The following DNAAF9 variants were observed in gnomAD, a reference collection of about 807,000 sequenced individuals.
DNAAF9 encodes the protein shulin.
Under a neutral mutation model 167.0 loss-of-function variants are expected in DNAAF9, and 90 were observed. The observed-to-expected ratio is 0.54, with a 90% CI of 0.45 to 0.64. DNAAF9 has a LOEUF of 0.64. Among genes scored for constraint, DNAAF9 ranks in the 30% least tolerant of loss-of-function variants. The pLI is 0.00. For synonymous variants in DNAAF9, 491 were observed against 508.8 expected (o/e 0.96, Z 0.47); for missense variants, 1,315 against 1,442.2 (o/e 0.91, Z 1.43).
chr20:3,404,161 C>G (rs2084025016), intron 1 of DNAAF9, among the ~76,000 whole-genome samples: 1 of 152,216 alleles, frequency 6.6e-6, no homozygotes, highest in Non-Finnish European at 1.5e-5. Flanking sequence ...TCCCGAGTAG[C>G]TGGGACTACA....
chr20:3,334,185 T>C (rs2069893707), intron 10 of DNAAF9, among the ~76,000 whole-genome samples: 2 of 152,226 alleles, frequency 1.3e-5, no homozygotes, highest in Non-Finnish European at 2.9e-5. Flanking sequence ...ACCAAGGGAA[T>C]GCTCAAATGT....
At chr20:3,328,348 GT>G (rs1291468944) in intron 12 of DNAAF9, among the ~76,000 whole-genome samples, 1 of 152,024 alleles carries the variant, frequency 6.6e-6, no homozygotes, top group Non-Finnish European at 1.5e-5. Flanking sequence ...TGCCTGGCTA[GT>G]TTTTGTATTT....
intron 6 of DNAAF9, among the ~76,000 whole-genome samples, chr20:3,369,843 G>A (rs994644887): frequency 1.3e-5 from 2 of 151,820 alleles, no homozygotes; most frequent in East Asian, 3.8e-4. Flanking sequence ...CATACATTCA[G>A]TTATTACAAC....
intron 6 of DNAAF9, among the ~76,000 whole-genome samples, chr20:3,362,535 C>G: frequency 6.6e-6 from 1 of 151,972 alleles, no homozygotes; most frequent in East Asian, 1.9e-4. Context: ...CAGCCCCATC[C>G]AATTTGCCTA....
intron 29 of DNAAF9, among the ~76,000 whole-genome samples, chr20:3,274,287 C>T (rs981429905): frequency 2.6e-5 from 4 of 151,926 alleles, no homozygotes; most frequent in East Asian, 3.9e-4. Context: ...GAATTACAGG[C>T]GCACACCACT....
chr20:3,349,424 T>A (rs1429294578), intron 7 of DNAAF9, among the ~76,000 whole-genome samples: 1 of 152,042 alleles, frequency 6.6e-6, no homozygotes, highest in Non-Finnish European at 1.5e-5. Context: ...AGCACCTTAT[T>A]TTAGCAACCC....
rs74180386 is a variant in DNAAF9 at position 3,311,972 on chromosome 20, C to T, written c.1678+3061G>A. ...AAAAAACTTCAAGGTAAAGGAAGCACTATTCTCTTTTTTCTTTTTTTTCTT... is the reference window on the plus strand; with the variant it reads ...AAAAAACTTCAAGGTAAAGGAAGCATTATTCTCTTTTTTCTTTTTTTTCTT... On this transcript the variant is annotated intron_variant, in intron 20 of 36. Transcript: ENST00000252032. Among the ~76,000 whole-genome samples, 1,117 of 136,024 alleles carry T rather than the reference C, an allele frequency of 8.2e-3. 5 individuals are homozygous for T. The highest frequency in any genetic ancestry group is 0.01 in the Non-Finnish European group (621 of 62,022). The allele number at this position is 136,024 out of a possible 152,430, so 89.2% of individuals were successfully genotyped here.
chr20:3,399,555 T>C (rs1330493079), intron 1 of DNAAF9, among the ~76,000 whole-genome samples: 3 of 152,098 alleles, frequency 2.0e-5, no homozygotes, highest in Admixed American at 6.6e-5. Flanking sequence ...GTGGCAGCAA[T>C]AGGTCCAGGT....
At chr20:3,276,013 T>A (rs1432682066) in intron 29 of DNAAF9, among the ~76,000 whole-genome samples, 1 of 152,220 alleles carries the variant, frequency 6.6e-6, no homozygotes. Context: ...ACTTGCTGTT[T>A]AAGCACTGAG....
chr20:3,281,052 T>G (rs1034365635), intron 28 of DNAAF9, among the ~76,000 whole-genome samples: 28 of 151,718 alleles, frequency 1.8e-4, no homozygotes. Context: ...TGAGACAGAG[T>G]CTTGCTTGCT....
chr20:3,342,607 A>G (rs1224225268), intron 9 of DNAAF9, among the ~76,000 whole-genome samples: 2 of 152,228 alleles, frequency 1.3e-5, no homozygotes, highest in African/African-American at 4.8e-5. Flanking sequence ...TCTTAAAAAT[A>G]CTACCTTAAG....
rs1222249069 is a variant in DNAAF9, at chr20:3,255,333, T to G, written c.3262-49A>C. 3 of 1,230,276 alleles carry G rather than the reference T, an allele frequency of 2.4e-6. No individual in the cohort carries two copies. The East Asian group carries it at 7.6e-5, about 31-fold the overall frequency. 76.2% of individuals were successfully genotyped at this position (1,230,276 alleles called of 1,614,324 possible). On this transcript the variant is annotated intron_variant, in intron 34 of 36. Transcript: ENST00000252032. ...TCAGGTCCCAGCAGAACTCATGGAG[T>G]GCATGGGCAGGGGAGGGCTCTGGGC...
At chr20:3,376,427 A>C in intron 3 of DNAAF9, 125 bp from the exon 4 acceptor site, 1 of 764,904 alleles carries the variant, frequency 1.3e-6, no homozygotes, top group Non-Finnish European at 2.0e-6. Context: ...CTCTAAACTG[A>C]AAATTATTTA....
chr20:3,336,252 G>GTTTTTTTTTTTTTTTTTTT lies in DNAAF9; in HGVS notation c.982-3892_982-3891insAAAAAAAAAAAAAAAAAAA, dbSNP rs1178750984. Among the ~76,000 whole-genome samples, 82 of 81,388 alleles carry GTTTTTTTTTTTTTTTTTTT rather than the reference G, an allele frequency of 1.0e-3. 6 individuals are homozygous for GTTTTTTTTTTTTTTTTTTT. The highest frequency in any genetic ancestry group is 2.0e-3 in the East Asian group (6 of 2,988). 53.4% of individuals were successfully genotyped at this position (81,388 alleles called of 152,430 possible). A position where few individuals can be genotyped will look rare whatever the true frequency, so the allele number is the denominator to read the frequency against. On this transcript the variant is annotated intron_variant, in intron 10 of 36. Transcript: ENST00000252032. ...TGATTTTGCAGATTCACAGTTTTGC[G>GTTTTTTTTTTTTTTTTTTT]TTTTTGTTTTTTTTTTTTTTTTTGC... is the stretch of plus-strand genomic sequence containing the variant.
chr20:3,340,531 A>G lies in DNAAF9; in HGVS notation c.954T>C (p.Gly318=). Residue 318 remains glycine, a synonymous_variant, in exon 10 of 37, where the codon GGT becomes GGC. Coordinates refer to ENST00000252032, the MANE Select transcript of DNAAF9 (RefSeq NM_001009984.3). ...PSEGHLVRST[G]PGGSFAKHMV... Reference sequence around the variant, plus strand: ...TGTGCTTGGCAAAGCTCCCGCCGGGACCAGTGCTTCGTACCAGATGTCCTT... The same window carrying G: ...TGTGCTTGGCAAAGCTCCCGCCGGGGCCAGTGCTTCGTACCAGATGTCCTT... 1 of 1,566,238 alleles carries G rather than the reference A, an allele frequency of 6.4e-7. No individual in the cohort carries two copies. Among genetic ancestry groups the G allele is most frequent in the East Asian group, 2.5e-5 (1 of 40,804 alleles).
chr20:3,348,785 G>T (rs1323644295), intron 7 of DNAAF9, among the ~76,000 whole-genome samples, 162 bp from the exon 8 acceptor site: 1 of 152,130 alleles, frequency 6.6e-6, no homozygotes, highest in Non-Finnish European at 1.5e-5. Context: ...TCCTATGGAT[G>T]AATCTCAAAA....
At chr20:3,322,518 C>T in intron 15 of DNAAF9, 134 bp downstream of exon 15, 1 of 818,392 alleles carries the variant, frequency 1.2e-6, no homozygotes, top group South Asian at 1.4e-5. Context: ...GCACAGCCAG[C>T]CCAAGCCCAA....
At chr20:3,333,307 C>T (rs2069874821) in intron 10 of DNAAF9, among the ~76,000 whole-genome samples, 1 of 152,108 alleles carries the variant, frequency 6.6e-6, no homozygotes. Flanking sequence ...TCTGAAAATC[C>T]AACATCTCAT....
At chr20:3,262,013 G>A (rs908993056) in intron 31 of DNAAF9, among the ~76,000 whole-genome samples, 10 of 152,234 alleles carry the variant, frequency 6.6e-5, no homozygotes, top group East Asian at 3.9e-4. Context: ...AGCACAGAGC[G>A]GAGCATATCC....
Sources: gnomAD v4.1 joint callset for allele counts (sites outside exome capture counted in the v4.1 genomes callset) on GRCh38, gnomAD v4.1.1 for gene constraint, MANE v1.5 for transcripts, NCBI Gene and HGNC (gene_info 2026-07-23, HGNC 2026-07-21) for gene names.